FNTA: variants seen among roughly 807,000 people sequenced by gnomAD.
FNTA encodes the protein protein farnesyltransferase/geranylgeranyltransferase type-1 subunit alpha.
A neutral mutation model predicts 55.2 loss-of-function variants in FNTA; 27 were observed. The ratio of observed to expected loss-of-function variants is 0.49; its 90% CI spans 0.36 to 0.67. FNTA has a LOEUF of 0.67. Among genes scored for constraint, FNTA ranks in the 30% least tolerant of loss-of-function variants. The probability of loss-of-function intolerance (pLI) is 0.00; values close to 1 mark genes in which losing one functional copy is unlikely to be tolerated. For synonymous variants in FNTA, 176 were observed against 170.7 expected, an observed-to-expected ratio of 1.03 and a Z score of -0.24; for missense variants, 422 against 464.7, an observed-to-expected ratio of 0.91 and a Z score of 0.85.
At chr8:43,077,585 G>C (rs983447208) in intron 6 of FNTA, 12 of 347,994 alleles carry the variant, frequency 3.4e-5, no homozygotes, top group African/African-American at 2.5e-4. Flanking sequence ...AGATTGGAAA[G>C]AAATCTTAAT....
At chr8:43,061,401 T>C (rs1810526127) in intron 2 of FNTA, among the ~76,000 whole-genome samples, 1 of 152,234 alleles carries the variant, frequency 6.6e-6, no homozygotes, top group South Asian at 2.1e-4. Context: ...TTTCCACCTG[T>C]GTAAAATGAG....
Position 43,072,210 on chromosome 8 carries a change from T to C in FNTA, c.536T>C (p.Leu179Pro). Residue 179 changes from leucine to proline, a missense_variant, in exon 5 of 9, where the codon CTA becomes CCA. Physicochemically the swap from Leu to Pro is moderately conservative, Grantham distance 98. Coordinates refer to ENST00000302279, the MANE Select transcript of FNTA (RefSeq NM_002027.3). ...CATAGGCGAGTATTAGTGGAATGGC[T>C]AAGAGATCCATCTCAGGAGCTTGAA... is the stretch of plus-strand genomic sequence containing the variant. ...WHHRRVLVEWLRDPSQELEFI... is the reference protein window; with the variant it reads ...WHHRRVLVEWPRDPSQELEFI... 1 of 1,579,018 alleles carries C rather than the reference T, an allele frequency of 6.3e-7. No individual in the cohort carries two copies. The highest frequency in any genetic ancestry group is 8.6e-7 in the Non-Finnish European group (1 of 1,162,702).
chr8:43,072,404 T>TA (rs2130559720), intron 5 of FNTA, 97 bp downstream of exon 5: 2 of 831,328 alleles, frequency 2.4e-6, no homozygotes, highest in East Asian at 3.2e-5. Flanking sequence ...AACACACACA[T>TA]ACGTAGATCA....
chr8:43,073,952 G>C (rs1192002225), intron 5 of FNTA, among the ~76,000 whole-genome samples: 1 of 152,134 alleles, frequency 6.6e-6, no homozygotes, highest in Non-Finnish European at 1.5e-5. Context: ...AATGAATTCA[G>C]CATACTCTTT....
At chr8:43,065,871 A>G (rs867379152) in intron 3 of FNTA, among the ~76,000 whole-genome samples, 3 of 151,560 alleles carry the variant, frequency 2.0e-5, no homozygotes, top group Non-Finnish European at 4.4e-5. Context: ...ATTAAAAATC[A>G]TTAGTCTCCC....
Position 43,056,371 on chromosome 8 carries a change from G to A in FNTA, c.25G>A (p.Glu9Lys), listed in dbSNP as rs1347781147. Residue 9 changes from glutamate to lysine, a missense_variant, in exon 1 of 9, where the codon GAG (glutamate) becomes AAG (lysine). Around this residue, in one of 2 missense-constraint regions of FNTA, gnomAD observed 160 missense variants for 121.6 expected, o/e 1.32. Transcript: ENST00000302279. ...GATGGCGGCCACCGAGGGGGTCGGG[G>A]AGGCTGCGCAAGGGGGCGAGCCCGG... Reference protein sequence around the residue: MAATEGVGEAAQGGEPGQP... With the variant: MAATEGVGKAAQGGEPGQP... 6 of 1,461,126 alleles carry A rather than the reference G, an allele frequency of 4.1e-6. No homozygotes were observed. The highest frequency in any genetic ancestry group is 5.4e-6 in the Non-Finnish European group (6 of 1,110,470). 90.5% of individuals were successfully genotyped at this position (1,461,126 alleles called of 1,614,324 possible).
Position 43,056,367 on chromosome 8 carries a change from C to A in FNTA, c.21C>A (p.Val7=). 8 of 1,454,900 alleles carry A rather than the reference C, an allele frequency of 5.5e-6. No individual in the cohort carries two copies. Among genetic ancestry groups the A allele is most frequent in the Non-Finnish European group, 7.2e-6 (8 of 1,107,774 alleles). 90.1% of individuals were successfully genotyped at this position (1,454,900 alleles called of 1,614,324 possible). ...GCGAGATGGCGGCCACCGAGGGGGTCGGGGAGGCTGCGCAAGGGGGCGAGC... is the reference window on the plus strand; with the variant it reads ...GCGAGATGGCGGCCACCGAGGGGGTAGGGGAGGCTGCGCAAGGGGGCGAGC... MAATEG[V]GEAAQGGEPG... is the part of the protein sequence containing the mutation. Residue 7 remains valine (V), a synonymous_variant, in exon 1 of 9, where the codon GTC becomes GTA. Transcript: ENST00000302279.
At position 43,064,085 on chromosome 8, in the gene FNTA, T is replaced by C. The variant is rs1433246180; in HGVS notation, c.287-16T>C. On this transcript the variant is annotated splice_polypyrimidine_tract_variant and intron_variant, in intron 2 of 8. Coordinates refer to ENST00000302279, the MANE Select transcript of FNTA (RefSeq NM_002027.3). ...AAGTAAGATGGTCCTAATGTAGTTG[T>C]GTGCTCTATCTCTAGTTAGAGATGT... 1 of 1,491,570 alleles carries C rather than the reference T, an allele frequency of 6.7e-7. No individual in the cohort carries two copies. Among genetic ancestry groups the C allele is most frequent in the Non-Finnish European group, 9.4e-7 (1 of 1,068,920 alleles). The allele number at this position is 1,491,570 out of a possible 1,614,324, so 92.4% of individuals were successfully genotyped here.
chr8:43,056,454 G>A lies in FNTA; in HGVS notation c.108G>A (p.Lys36=). The A allele has an allele frequency of 5.1e-6, 8 of 1,565,292 alleles. No homozygotes were observed. Among genetic ancestry groups the A allele is most frequent in the Non-Finnish European group, 6.9e-6 (8 of 1,159,246 alleles). The change falls in exon 1 of 9, where the codon AAG becomes AAA. Residue 36 remains lysine (K), a synonymous_variant. Coordinates refer to ENST00000302279, the MANE Select transcript of FNTA (RefSeq NM_002027.3). ...CACCGCCGCCCCAGCAGCAGCACAA[G>A]GAAGAGATGGCGGCCGAGGCTGGGG... The part of the protein sequence containing the change: ...PHPPPPQQQH[K]EEMAAEAGEA...
intron 3 of FNTA, among the ~76,000 whole-genome samples, chr8:43,066,683 T>G (rs892332011): frequency 6.6e-6 from 1 of 151,998 alleles, no homozygotes. Context: ...TCTCAAATGG[T>G]TGGTAATTCT....
chr8:43,073,322 A>T (rs1446974305), intron 5 of FNTA, among the ~76,000 whole-genome samples: 1 of 152,232 alleles, frequency 6.6e-6, no homozygotes, highest in African/African-American at 2.4e-5. Context: ...CATAAAACAT[A>T]ACCAGTATTT....
chr8:43,067,693 C>T (rs533292531), intron 3 of FNTA, among the ~76,000 whole-genome samples: 2 of 149,108 alleles, frequency 1.3e-5, no homozygotes, highest in Non-Finnish European at 1.5e-5. Flanking sequence ...ACTGTTGTCT[C>T]TCCTATTTAG....
Position 43,085,359 on chromosome 8 carries a change from C to A in FNTA, c.*77C>A. On this transcript the variant is annotated 3_prime_UTR_variant, in exon 9 of 9. Coordinates refer to ENST00000302279, the MANE Select transcript of FNTA (RefSeq NM_002027.3). The stretch of plus-strand genomic sequence containing the variant: ...TGCAGGAGTTTCACACGAGAGTGGT[C>A]CTTCCCTTTGCCTGTGGTGTAAAAG... The A allele has an allele frequency of 7.2e-7, 1 of 1,392,748 alleles. No individual in the cohort carries two copies. Among genetic ancestry groups the A allele is most frequent in the Non-Finnish European group, 1.0e-6 (1 of 1,004,730 alleles). 86.3% of individuals were successfully genotyped at this position (1,392,748 alleles called of 1,614,324 possible).
intron 2 of FNTA, among the ~76,000 whole-genome samples, chr8:43,060,440 T>C (rs998987628): frequency 4.6e-5 from 7 of 152,110 alleles, no homozygotes; most frequent in Non-Finnish European, 1.0e-4. Context: ...TTTGGGAGGC[T>C]GAGGTGGGCA....
chr8:43,069,735 C>G, intron 4 of FNTA, 76 bp downstream of exon 4: 1 of 851,802 alleles, frequency 1.2e-6, no homozygotes, highest in Non-Finnish European at 1.9e-6. Context: ...GCCTCTGCCT[C>G]CTGGGTTCAA....
Position 43,085,703 on chromosome 8 carries a change from A to G in FNTA, c.*421A>G, listed in dbSNP as rs762888952. The G allele has an allele frequency of 1.2e-5, 2 of 169,780 alleles. No homozygotes were observed. Among genetic ancestry groups the G allele is most frequent in the African/African-American group, 4.8e-5 (2 of 41,690 alleles). 10.5% of individuals were successfully genotyped at this position (169,780 alleles called of 1,614,324 possible). A position where few individuals can be genotyped will look rare whatever the true frequency, so the allele number is the denominator to read the frequency against. On this transcript the variant is annotated 3_prime_UTR_variant, in exon 9 of 9. Coordinates refer to ENST00000302279, the MANE Select transcript of FNTA (RefSeq NM_002027.3). ...AGTCGTTCCATCAGAGCTGGTCTGC[A>G]CACTCACATTATCTTGCTATCACTG...
intron 5 of FNTA, among the ~76,000 whole-genome samples, chr8:43,073,820 G>A (rs1171540267): frequency 3.9e-5 from 6 of 152,164 alleles, no homozygotes; most frequent in Non-Finnish European, 1.5e-5. Flanking sequence ...GCACAGGACA[G>A]TCCCCCACAA....
chr8:43,057,598 C>G (rs1371530712), intron 1 of FNTA, among the ~76,000 whole-genome samples: 1 of 152,176 alleles, frequency 6.6e-6, no homozygotes, highest in Non-Finnish European at 1.5e-5. Flanking sequence ...GACACAATTA[C>G]TAGCATTGCG....
chr8:43,070,306 T>C (rs1810758503), intron 4 of FNTA: 1 of 150,902 alleles, frequency 6.6e-6, no homozygotes, highest in African/African-American at 2.5e-5. Flanking sequence ...AGACTCTGTC[T>C]CAAAAAAAAT....
Sources: gnomAD v4.1 joint callset for allele counts (sites outside exome capture counted in the v4.1 genomes callset) on GRCh38, gnomAD v4.1.1 for gene constraint, gnomAD v4.1.1 regional missense constraint, MANE v1.5 for transcripts, NCBI Gene and HGNC (gene_info 2026-07-23, HGNC 2026-07-21) for gene names.